ZFPM2: variants seen among roughly 807,000 people sequenced by gnomAD.
ZFPM2 encodes the protein zinc finger protein ZFPM2.
A neutral mutation model predicts 98.6 loss-of-function variants in ZFPM2; 20 were observed. The observed-to-expected ratio is 0.20, with a 90% CI of 0.14 to 0.29. ZFPM2 has a LOEUF of 0.29. Among genes scored for constraint, ZFPM2 ranks in the 10% least tolerant of loss-of-function variants. The pLI, the probability that ZFPM2 is intolerant of heterozygous loss-of-function variation, is 1.00. For missense variants in ZFPM2, 1,310 were observed against 1,388.6 expected (o/e 0.94, Z 0.90); for synonymous variants, 518 against 502.7 (o/e 1.03, Z -0.41).
intron 1 of ZFPM2, among the ~76,000 whole-genome samples, chr8:105,333,927 G>A (rs1812278904): frequency 6.6e-6 from 1 of 151,514 alleles, no homozygotes; most frequent in African/African-American, 2.4e-5. Flanking sequence ...TTGGGAATGA[G>A]GTCTGAGAGT....
chr8:105,429,605 C>T (rs1278012632), intron 2 of ZFPM2, among the ~76,000 whole-genome samples: 1 of 151,198 alleles, frequency 6.6e-6, no homozygotes, highest in South Asian at 2.1e-4. Flanking sequence ...TTCTGTACTC[C>T]TATATTCTGT....
At chr8:105,655,125 A>G (rs1817257189) in intron 5 of ZFPM2, among the ~76,000 whole-genome samples, 1 of 151,792 alleles carries the variant, frequency 6.6e-6, no homozygotes, top group Admixed American at 6.6e-5. Context: ...AGTTTATTAC[A>G]CTGGTTATAA....
intron 5 of ZFPM2, among the ~76,000 whole-genome samples, chr8:105,665,358 G>A (rs1003192944): frequency 4.6e-5 from 7 of 152,042 alleles, no homozygotes; most frequent in African/African-American, 1.7e-4. Flanking sequence ...TCTAGTTAAT[G>A]CAAAATTTAT....
chr8:105,527,309 G>A (rs1814195462), intron 3 of ZFPM2, among the ~76,000 whole-genome samples: 1 of 152,146 alleles, frequency 6.6e-6, no homozygotes, highest in Admixed American at 6.6e-5. Context: ...GGACGACCTG[G>A]AAATTGGTTG....
intron 3 of ZFPM2, among the ~76,000 whole-genome samples, chr8:105,519,589 C>T (rs1467020816): frequency 6.6e-6 from 1 of 152,042 alleles, no homozygotes. Flanking sequence ...TGTTACATGT[C>T]ACAGACTGGA....
chr8:105,403,772 C>T (rs1197229106), intron 1 of ZFPM2, among the ~76,000 whole-genome samples: 1 of 151,940 alleles, frequency 6.6e-6, no homozygotes, highest in Non-Finnish European at 1.5e-5. Flanking sequence ...CCGGTTATTT[C>T]TCCTCCTTAG....
intron 4 of ZFPM2, among the ~76,000 whole-genome samples, chr8:105,585,110 C>T (rs1365187356): frequency 6.6e-6 from 1 of 152,112 alleles, no homozygotes; most frequent in Non-Finnish European, 1.5e-5. Context: ...CATACATTAT[C>T]AGTTATTTAA....
chr8:105,472,974 C>T (rs1259664912), intron 3 of ZFPM2, among the ~76,000 whole-genome samples: 2 of 148,248 alleles, frequency 1.3e-5, no homozygotes, highest in African/African-American at 5.0e-5. Context: ...TAGCTCACTA[C>T]AGCCTGGAAC....
At chr8:105,430,268 A>G (rs1811994624) in intron 2 of ZFPM2, among the ~76,000 whole-genome samples, 1 of 152,168 alleles carries the variant, frequency 6.6e-6, no homozygotes, top group Admixed American at 6.5e-5. Context: ...CCTGAATTGT[A>G]TAAGCTTTGG....
chr8:105,604,746 T>G (rs544508710), intron 4 of ZFPM2, among the ~76,000 whole-genome samples: 5 of 152,184 alleles, frequency 3.3e-5, no homozygotes, highest in Non-Finnish European at 7.4e-5. Context: ...TTCTCTCTGA[T>G]ACAGAGCATT....
intron 3 of ZFPM2, among the ~76,000 whole-genome samples, chr8:105,488,461 G>T (rs79024371): frequency 1.3e-5 from 2 of 152,006 alleles, no homozygotes; most frequent in African/African-American, 2.4e-5. Flanking sequence ...GAAACACAGG[G>T]TTAGAAAGGT....
chr8:105,671,797 A>G (rs1007572710), intron 5 of ZFPM2, among the ~76,000 whole-genome samples: 13 of 152,126 alleles, frequency 8.5e-5, no homozygotes, highest in African/African-American at 3.1e-4. Context: ...AGCATTTTAC[A>G]GTGCTATAGC....
intron 4 of ZFPM2, among the ~76,000 whole-genome samples, chr8:105,590,497 T>C (rs1023216277): frequency 1.5e-4 from 23 of 152,348 alleles, no homozygotes; most frequent in East Asian, 5.8e-4. Flanking sequence ...TTCATTCTTA[T>C]GATGCTGCTT....
chr8:105,342,302 C>A (rs1423568732), intron 1 of ZFPM2, among the ~76,000 whole-genome samples: 1 of 151,794 alleles, frequency 6.6e-6, no homozygotes, highest in African/African-American at 2.4e-5. Context: ...AGATTCAGCC[C>A]ACAAGGATTA....
intron 4 of ZFPM2, among the ~76,000 whole-genome samples, chr8:105,587,722 TA>T (rs1319078221): frequency 6.6e-6 from 1 of 152,206 alleles, no homozygotes; most frequent in Non-Finnish European, 1.5e-5. Context: ...AGGTTAGTTA[TA>T]TGGAATAAAG....
chr8:105,744,669 TG>T (rs1420994420), intron 5 of ZFPM2, among the ~76,000 whole-genome samples: 2 of 150,080 alleles, frequency 1.3e-5, no homozygotes, highest in African/African-American at 4.9e-5. Context: ...CCTTGAAGAG[TG>T]ATGCCTACAT....
At chr8:105,455,164 A>T (rs190152969) in intron 3 of ZFPM2, among the ~76,000 whole-genome samples, 77 of 152,308 alleles carry the variant, frequency 5.1e-4, no homozygotes, top group African/African-American at 1.7e-3. Context: ...TATTCCAAAA[A>T]TTTTTTAAAA....
chr8:105,802,963 T>C lies in ZFPM2; in HGVS notation c.2881T>C (p.Leu961=). 2 of 1,612,818 alleles carry C rather than the reference T, an allele frequency of 1.2e-6. No individual in the cohort carries two copies. Among genetic ancestry groups the C allele is most frequent in the South Asian group, 2.2e-5 (2 of 90,906 alleles). Residue 961 remains leucine, a synonymous_variant, in exon 8 of 8, where the codon TTG becomes CTG. Transcript: ENST00000407775. ...LIATKEENRH[L]FLPQCLYPGA... ...TGCTACAAAAGAAGAAAACAGACATTTGTTTCTTCCACAATGCCTTTACCC... is the reference window on the plus strand; with the variant it reads ...TGCTACAAAAGAAGAAAACAGACATCTGTTTCTTCCACAATGCCTTTACCC...
intron 1 of ZFPM2, among the ~76,000 whole-genome samples, chr8:105,398,031 C>A (rs1343626402): frequency 2.0e-5 from 3 of 151,764 alleles, no homozygotes; most frequent in Non-Finnish European, 4.4e-5. Flanking sequence ...AAAAAGTATC[C>A]GCAGGTCAAT....
Sources: allele counts gnomAD v4.1 joint callset (sites outside exome capture counted in the v4.1 genomes callset), GRCh38; gene constraint gnomAD v4.1.1; transcripts MANE v1.5; gene names NCBI Gene and HGNC (gene_info 2026-07-23, HGNC 2026-07-21).